The following CDK14 variants were observed in gnomAD, a reference collection of about 807,000 sequenced individuals.
CDK14 encodes cyclin dependent kinase 14.
CDK14 carries 34 observed loss-of-function variants against 60.7 expected under a neutral mutation model. The ratio of observed to expected loss-of-function variants is 0.56; its 90% CI spans 0.43 to 0.75. CDK14 has a LOEUF of 0.75. CDK14 is among the 30% of genes least tolerant of loss of function. CDK14 has a pLI of 0.00. For missense variants in CDK14, 482 were observed against 564.1 expected (o/e 0.85, Z 1.47); for synonymous variants, 197 against 203.7 (o/e 0.97, Z 0.28).
chr7:90,778,905 TCTC>T (rs1805177266), intron 4 of CDK14, among the ~76,000 whole-genome samples: 10 of 150,572 alleles, frequency 6.6e-5, no homozygotes, highest in African/African-American at 2.5e-4. Flanking sequence ...CCTTCTTTTC[TCTC>T]TCCTCTCTCT....
At chr7:90,717,314 T>C (rs778947428) in intron 2 of CDK14, among the ~76,000 whole-genome samples, 2 of 152,044 alleles carry the variant, frequency 1.3e-5, no homozygotes, top group Non-Finnish European at 2.9e-5. Flanking sequence ...TAACAACATA[T>C]ACCAAAGCTT....
At chr7:90,825,716 T>G (rs1443800622) in intron 5 of CDK14, among the ~76,000 whole-genome samples, 1 of 152,192 alleles carries the variant, frequency 6.6e-6, no homozygotes, top group Non-Finnish European at 1.5e-5. Context: ...AAGCTCAATT[T>G]TAGGGATTTG....
At chr7:91,116,028 C>G (rs1584083291) in intron 13 of CDK14, among the ~76,000 whole-genome samples, 1 of 152,284 alleles carries the variant, frequency 6.6e-6, no homozygotes, top group South Asian at 2.1e-4. Flanking sequence ...GTCATTCTCC[C>G]TCTGTCCTGA....
chr7:90,709,416 G>GT (rs1801979168), intron 2 of CDK14: 6 of 1,422,242 alleles, frequency 4.2e-6, no homozygotes, highest in South Asian at 1.5e-5. Flanking sequence ...TTGATTAAAT[G>GT]TTTTTCCTCC....
chr7:91,099,035 A>G (rs1562903957), intron 12 of CDK14, among the ~76,000 whole-genome samples: 1 of 152,166 alleles, frequency 6.6e-6, no homozygotes, highest in Non-Finnish European at 1.5e-5. Context: ...ATAATATTAT[A>G]CAAAATTATG....
chr7:90,967,653 A>G (rs148322097), intron 9 of CDK14, among the ~76,000 whole-genome samples: 9 of 152,352 alleles, frequency 5.9e-5, no homozygotes, highest in Non-Finnish European at 1.3e-4. Context: ...AGTTAATAAA[A>G]TGTGAGGTCA....
intron 7 of CDK14, 111 bp from the exon 8 acceptor site, chr7:90,917,490 G>C: frequency 2.1e-6 from 2 of 934,914 alleles, no homozygotes; most frequent in Non-Finnish European, 3.1e-6. Context: ...AGAAAATTTG[G>C]TGATGGTTAC....
At chr7:91,133,651 T>C (rs1312774572) in intron 14 of CDK14, among the ~76,000 whole-genome samples, 1 of 152,168 alleles carries the variant, frequency 6.6e-6, no homozygotes, top group Non-Finnish European at 1.5e-5. Flanking sequence ...AAAGGAAGTA[T>C]ATTGAACTGC....
At chr7:90,682,523 A>G (rs995533701) in intron 2 of CDK14, among the ~76,000 whole-genome samples, 1 of 152,204 alleles carries the variant, frequency 6.6e-6, no homozygotes, top group Non-Finnish European at 1.5e-5. Context: ...AGGGATAAAG[A>G]TATCCACTTA....
At chr7:90,775,853 A>G (rs890827359) in intron 4 of CDK14, among the ~76,000 whole-genome samples, 4 of 149,066 alleles carry the variant, frequency 2.7e-5, no homozygotes, top group Non-Finnish European at 5.9e-5. Context: ...TTGCCTTCAC[A>G]GAATTCCTTT....
intron 2 of CDK14, among the ~76,000 whole-genome samples, chr7:90,702,767 T>C (rs1216135499): frequency 6.6e-6 from 1 of 152,158 alleles, no homozygotes; most frequent in African/African-American, 2.4e-5. Context: ...TACTTTTTAT[T>C]TGAGTATTTT....
chr7:91,150,801 A>G (rs1010550566), intron 14 of CDK14, among the ~76,000 whole-genome samples: 13 of 152,134 alleles, frequency 8.5e-5, no homozygotes, highest in African/African-American at 3.1e-4. Context: ...TCTAGTTTCT[A>G]TATATATTTA....
intron 2 of CDK14, among the ~76,000 whole-genome samples, chr7:90,712,156 T>A (rs1250409600): frequency 6.6e-6 from 1 of 152,022 alleles, no homozygotes; most frequent in East Asian, 1.9e-4. Flanking sequence ...ACACAAATCT[T>A]GCCATTATTA....
At chr7:91,160,745 T>C (rs1234259379) in intron 14 of CDK14, among the ~76,000 whole-genome samples, 1 of 152,158 alleles carries the variant, frequency 6.6e-6, no homozygotes, top group Non-Finnish European at 1.5e-5. Context: ...TACTTTATTA[T>C]AATATATTTA....
intron 10 of CDK14, among the ~76,000 whole-genome samples, chr7:90,986,427 A>T (rs1271840952): frequency 6.6e-6 from 1 of 152,042 alleles, no homozygotes; most frequent in South Asian, 2.1e-4. Context: ...ACTCCCAAGA[A>T]AATCTCTTAT....
chr7:91,164,387 AAG>A (rs1220467549), intron 14 of CDK14, among the ~76,000 whole-genome samples: 1 of 152,184 alleles, frequency 6.6e-6, no homozygotes, highest in African/African-American at 2.4e-5. Flanking sequence ...CAACAACCCG[AAG>A]AGAGAGCTAC....
intron 6 of CDK14, among the ~76,000 whole-genome samples, chr7:90,895,629 T>G (rs1209750633): frequency 7.2e-6 from 1 of 139,420 alleles, no homozygotes; most frequent in Non-Finnish European, 1.5e-5. Flanking sequence ...GGCTTGATCT[T>G]GACTCACTGC....
chr7:90,645,332 T>A (rs924991501), intron 2 of CDK14, among the ~76,000 whole-genome samples: 5 of 146,708 alleles, frequency 3.4e-5, no homozygotes, highest in African/African-American at 1.3e-4. Flanking sequence ...CAAATGAATC[T>A]TATTTTTAAT....
intron 4 of CDK14, among the ~76,000 whole-genome samples, chr7:90,765,374 CA>C (rs1562758907): frequency 6.6e-6 from 1 of 152,098 alleles, no homozygotes; most frequent in Admixed American, 6.5e-5. Flanking sequence ...GAATGTGTAT[CA>C]TCTCAGTGAA....
Sources: gnomAD v4.1 joint callset for allele counts (sites outside exome capture counted in the v4.1 genomes callset) on GRCh38, gnomAD v4.1.1 for gene constraint, MANE v1.5 for transcripts, NCBI Gene and HGNC (gene_info 2026-07-23, HGNC 2026-07-21) for gene names.